MOV10L1: variants seen among roughly 807,000 people sequenced by gnomAD.
The protein encoded by MOV10L1 is RNA helicase Mov10l1.
In MOV10L1, 110 loss-of-function variants were observed where a neutral mutation model predicts 143.8. The observed-to-expected ratio is 0.76, with a 90% CI of 0.66 to 0.90. The LOEUF is 0.90. Ranked by LOEUF, MOV10L1 falls within the 40% of genes least tolerant of loss-of-function variation. The pLI is 0.00. For missense variants in MOV10L1, 1,406 were observed against 1,526.8 expected, an observed-to-expected ratio of 0.92 and a Z score of 1.32; for synonymous variants, 593 against 581.1, an observed-to-expected ratio of 1.02 and a Z score of -0.29.
At chr22:50,104,638 A>G (rs983379484) in intron 3 of MOV10L1, among the ~76,000 whole-genome samples, 13 of 152,148 alleles carry the variant, frequency 8.5e-5, no homozygotes, top group Admixed American at 7.2e-4. Flanking sequence ...TTAAAGAAGT[A>G]TTTTTCAGAA....
Position 50,149,679 on chromosome 22 carries a change from A to C in MOV10L1, c.2692A>C (p.Ile898Leu). ...GCAGGCAAGTGAGCCGGAATGCCTC[A>C]TTCCTCTGGGGCTGATGTCGGACAT... ...AGQASEPECL[I>L]PLGLMSDISG... The change falls in exon 20 of 27, where the codon ATT becomes CTT. Residue 898 changes from isoleucine to leucine, a missense_variant. Around this residue, in one of 3 missense-constraint regions of MOV10L1, gnomAD observed 1,233 missense variants for 1,351.4 expected, o/e 0.91. Coordinates refer to ENST00000262794, the MANE Select transcript of MOV10L1 (RefSeq NM_018995.3). 6.2e-7 allele frequency: 1 copy of C among 1,614,034 alleles called. No homozygotes were observed. Among genetic ancestry groups the C allele is most frequent in the Non-Finnish European group, 8.5e-7 (1 of 1,179,932 alleles).
chr22:50,144,350 G>T (rs984342149), intron 18 of MOV10L1, 107 bp downstream of exon 18: 6 of 1,335,724 alleles, frequency 4.5e-6, no homozygotes, highest in Non-Finnish European at 5.0e-6. Context: ...GCACAGAGGC[G>T]CCACAGAAAG....
At chr22:50,097,828 G>A (rs1248475138) in intron 2 of MOV10L1, among the ~76,000 whole-genome samples, 1 of 151,992 alleles carries the variant, frequency 6.6e-6, no homozygotes, top group Non-Finnish European at 1.5e-5. Context: ...CGTTGCATTT[G>A]TTGGGTTTTT....
rs546504040 is a variant in MOV10L1, at chr22:50,120,582, T to G, written c.1535T>G (p.Ile512Ser). 18 of 1,613,588 alleles carry G rather than the reference T, an allele frequency of 1.1e-5. No individual in the cohort carries two copies. The South Asian group carries it at 1.8e-4, about 16-fold the overall frequency. The change falls in exon 10 of 27, where the codon ATT becomes AGT. Residue 512 changes from isoleucine (I) to serine (S), a missense_variant. Physicochemically the swap from Ile to Ser is moderately radical, Grantham distance 142 (BLOSUM62 -2). Coordinates refer to ENST00000262794, the MANE Select transcript of MOV10L1 (RefSeq NM_018995.3). ...CTTAGAAAATGTGTGGAACAAAAAA[T>G]TGACATCCTGACTTTCCAGCCATTA... ...DRLRKCVEQK[I>S]DILTFQPLLA...
intron 5 of MOV10L1, among the ~76,000 whole-genome samples, chr22:50,112,232 C>T (rs1569283926): frequency 6.6e-6 from 1 of 152,224 alleles, no homozygotes; most frequent in Admixed American, 6.5e-5. Flanking sequence ...GTGGATGTGA[C>T]GTGCACTGCT....
Position 50,090,097 on chromosome 22 carries a change from C to G in MOV10L1, c.9C>G (p.Ser3Arg). Reference sequence around the variant, plus strand: ...TAGGCCGGGCGAGGGCCATGCTGAGCCTCGCAGCCAAGCTGGTGGCCTTCT... The same window carrying G: ...TAGGCCGGGCGAGGGCCATGCTGAGGCTCGCAGCCAAGCTGGTGGCCTTCT... The part of the protein sequence containing the change: ML[S>R]LAAKLVAFFW... Residue 3 changes from serine to arginine, a missense_variant, in exon 1 of 27, where the codon AGC becomes AGG. Around this residue, in one of 3 missense-constraint regions of MOV10L1, gnomAD observed 166 missense variants for 153.9 expected, o/e 1.08. Coordinates refer to ENST00000262794, the MANE Select transcript of MOV10L1 (RefSeq NM_018995.3). The G allele has an allele frequency of 7.4e-7, 1 of 1,347,838 alleles. No homozygotes were observed. Among genetic ancestry groups the G allele is most frequent in the Non-Finnish European group, 9.5e-7 (1 of 1,049,876 alleles). The allele number at this position is 1,347,838 out of a possible 1,614,324, so 83.5% of individuals were successfully genotyped here. A position where few individuals can be genotyped will look rare whatever the true frequency, so the allele number is the denominator to read the frequency against.
At chr22:50,157,004 T>C (rs569462942) in intron 22 of MOV10L1, among the ~76,000 whole-genome samples, 1 of 152,296 alleles carries the variant, frequency 6.6e-6, no homozygotes, top group Admixed American at 6.5e-5. Flanking sequence ...TTTCCCCACA[T>C]CCTCACCACC....
rs2063010279 is a variant in MOV10L1, at chr22:50,142,259, G to A, written c.2179+70G>A. 4 of 1,293,148 alleles carry A rather than the reference G, an allele frequency of 3.1e-6. No individual in the cohort carries two copies. The East Asian group carries it at 1.0e-4, about 32-fold the overall frequency. 80.1% of individuals were successfully genotyped at this position (1,293,148 alleles called of 1,614,324 possible). Reference sequence around the variant, plus strand: ...TCGCCTGGAAAACGGGGACTTTGAGGAGTGGGCTCTCATGCAGAAGGAAGA... The same window carrying A: ...TCGCCTGGAAAACGGGGACTTTGAGAAGTGGGCTCTCATGCAGAAGGAAGA... On this transcript the variant is annotated intron_variant, in intron 16 of 26. Coordinates refer to ENST00000262794, the MANE Select transcript of MOV10L1 (RefSeq NM_018995.3).
intron 25 of MOV10L1, 60 bp downstream of exon 25, chr22:50,160,885 C>G: frequency 6.2e-7 from 1 of 1,612,980 alleles, no homozygotes; most frequent in African/African-American, 1.3e-5. Flanking sequence ...CCGGGTCACT[C>G]GGGGTGAGAC....
At chr22:50,128,976 CTT>C (rs143748326) in intron 13 of MOV10L1, among the ~76,000 whole-genome samples, 2,124 of 152,034 alleles carry the variant, frequency 0.014, 55 homozygotes, top group African/African-American at 0.049. Context: ...TAATTTGTCT[CTT>C]TATCTTTAAT....
At chr22:50,113,937 G>A in intron 6 of MOV10L1, 149 bp downstream of exon 6, 1 of 420,046 alleles carries the variant, frequency 2.4e-6, no homozygotes, top group Non-Finnish European at 3.2e-6. Context: ...TTTTTTTTTT[G>A]AGACAGCGTC....
intron 13 of MOV10L1, among the ~76,000 whole-genome samples, chr22:50,130,927 C>T (rs536047101): frequency 2.0e-5 from 3 of 152,216 alleles, no homozygotes; most frequent in African/African-American, 2.4e-5. Context: ...GACGGAGTCT[C>T]GTTCTGTTAC....
intron 15 of MOV10L1, among the ~76,000 whole-genome samples, chr22:50,136,214 G>T (rs767145240): frequency 6.6e-6 from 1 of 151,908 alleles, no homozygotes. Context: ...TTTCTTCTCC[G>T]TCATCACCTC....
At position 50,132,619 on chromosome 22, in the gene MOV10L1, T is replaced by C. The variant is rs190633797; in HGVS notation, c.1911-1388T>C. Among the ~76,000 whole-genome samples, 3 of 152,382 alleles carry C rather than the reference T, an allele frequency of 2.0e-5. 1 individual carries two copies. In the East Asian group the frequency reaches 5.8e-4, roughly 29 times the overall value. ...TCTAATTGCTTGTTTCTAGTATTTA[T>C]AAAAAGCAATTGATTTTTGTATGTT... On this transcript the variant is annotated intron_variant, in intron 13 of 26. Coordinates refer to ENST00000262794, the MANE Select transcript of MOV10L1 (RefSeq NM_018995.3).
intron 12 of MOV10L1, among the ~76,000 whole-genome samples, chr22:50,127,463 C>T (rs2062543528): frequency 6.6e-6 from 1 of 152,256 alleles, no homozygotes; most frequent in Non-Finnish European, 1.5e-5. Context: ...CTGTCTTCCT[C>T]ATCCTCAGGG....
intron 15 of MOV10L1, among the ~76,000 whole-genome samples, chr22:50,138,821 G>T (rs951367380): frequency 6.6e-6 from 1 of 151,762 alleles, no homozygotes; most frequent in Non-Finnish European, 1.5e-5. Flanking sequence ...CTCCTGCCTC[G>T]GCCTCCTGAG....
intron 18 of MOV10L1, among the ~76,000 whole-genome samples, chr22:50,145,101 T>C (rs1404101850): frequency 1.3e-5 from 2 of 151,814 alleles, no homozygotes; most frequent in Non-Finnish European, 1.5e-5. Context: ...TGCCACCACA[T>C]CCAGCTAATT....
At chr22:50,103,370 C>T (rs1293106089) in intron 3 of MOV10L1, among the ~76,000 whole-genome samples, 3 of 152,162 alleles carry the variant, frequency 2.0e-5, no homozygotes, top group Admixed American at 6.5e-5. Flanking sequence ...AACCCTCTGC[C>T]ATTTGGATGA....
At chr22:50,132,306 A>G (rs1226645020) in intron 13 of MOV10L1, among the ~76,000 whole-genome samples, 2 of 152,118 alleles carry the variant, frequency 1.3e-5, no homozygotes, top group Non-Finnish European at 2.9e-5. Flanking sequence ...TTCTTCTTAC[A>G]TGGATTTTAG....
Sources: gnomAD v4.1 joint callset for allele counts (sites outside exome capture counted in the v4.1 genomes callset) on GRCh38, gnomAD v4.1.1 for gene constraint, gnomAD v4.1.1 regional missense constraint, MANE v1.5 for transcripts, NCBI Gene and HGNC (gene_info 2026-07-23, HGNC 2026-07-21) for gene names.